PDZD2: variants seen among roughly 807,000 people sequenced by gnomAD.
The protein encoded by PDZD2 is PDZ domain containing 2.
A neutral mutation model predicts 220.7 loss-of-function variants in PDZD2; 90 were observed. That is an observed-to-expected ratio of 0.41 (90% CI 0.34 to 0.49). The LOEUF is 0.49. Ranked by LOEUF, PDZD2 falls within the 20% of genes least tolerant of loss-of-function variation. PDZD2 has a pLI of 0.28. For missense variants in PDZD2, 3,174 were observed against 3,608.5 expected (o/e 0.88, Z 3.08); for synonymous variants, 1,375 against 1,450.5 (o/e 0.95, Z 1.18).
At chr5:31,869,707 T>C (rs1319123456) in intron 2 of PDZD2, among the ~76,000 whole-genome samples, 1 of 152,244 alleles carries the variant, frequency 6.6e-6, no homozygotes, top group East Asian at 1.9e-4. Flanking sequence ...CCCAAGGTAT[T>C]ACGCCTTTCT....
chr5:31,667,566 G>A (rs915808781), intron 1 of PDZD2, among the ~76,000 whole-genome samples: 1 of 152,138 alleles, frequency 6.6e-6, no homozygotes, highest in Non-Finnish European at 1.5e-5. Context: ...GAATGAATCA[G>A]GCAGGCACAG....
chr5:31,926,586 T>G (rs1581096823), intron 2 of PDZD2, among the ~76,000 whole-genome samples: 2 of 151,226 alleles, frequency 1.3e-5, no homozygotes, highest in South Asian at 2.1e-4. Context: ...TGGGGAGGCT[T>G]TGGAGAAAAG....
intron 2 of PDZD2, among the ~76,000 whole-genome samples, chr5:31,858,534 GC>G (rs1041401738): frequency 6.6e-6 from 1 of 152,190 alleles, no homozygotes; most frequent in African/African-American, 2.4e-5. Context: ...GATGATTACA[GC>G]CCTTTCCCAA....
At chr5:32,057,816 TAACCC>T in intron 11 of PDZD2, 57 bp from the exon 12 acceptor site, 2 of 1,405,838 alleles carry the variant, frequency 1.4e-6, no homozygotes, top group Non-Finnish European at 1.0e-6. Context: ...TTTTTTTTTT[TAACCC>T]TTTGATATAA....
At chr5:32,066,389 C>G (rs1262086410) in intron 14 of PDZD2, among the ~76,000 whole-genome samples, 1 of 152,202 alleles carries the variant, frequency 6.6e-6, no homozygotes, top group East Asian at 1.9e-4. Flanking sequence ...CAACCAAGTC[C>G]TGCTTCCACC....
intron 2 of PDZD2, among the ~76,000 whole-genome samples, chr5:31,919,377 C>T (rs1291832263): frequency 9.4e-5 from 14 of 148,560 alleles, no homozygotes; most frequent in Admixed American, 6.7e-4. Flanking sequence ...TTTTTTGAGA[C>T]GGAGTCTCGC....
intron 6 of PDZD2, among the ~76,000 whole-genome samples, chr5:32,014,959 T>TTTTG (rs1753670253): frequency 8.9e-6 from 1 of 112,102 alleles, no homozygotes; most frequent in African/African-American, 2.8e-5. Flanking sequence ...TTTTTTTTTT[T>TTTTG]GAGACGGAGT....
chr5:31,854,918 G>C (rs985854989), intron 2 of PDZD2: 9 of 958,282 alleles, frequency 9.4e-6, no homozygotes, highest in South Asian at 9.7e-5. Context: ...AGGGAGGAGG[G>C]GGGGGTCCTC....
At chr5:31,774,591 C>G (rs1451724394) in intron 1 of PDZD2, among the ~76,000 whole-genome samples, 1 of 151,728 alleles carries the variant, frequency 6.6e-6, no homozygotes, top group Non-Finnish European at 1.5e-5. Context: ...TGGTGCACGC[C>G]TGTAATCCCA....
intron 1 of PDZD2, among the ~76,000 whole-genome samples, chr5:31,797,627 C>T (rs1427024602): frequency 1.3e-5 from 2 of 152,162 alleles, no homozygotes; most frequent in Non-Finnish European, 2.9e-5. Flanking sequence ...GCCACCGCGC[C>T]CAGCCTTGCA....
intron 2 of PDZD2, among the ~76,000 whole-genome samples, chr5:31,979,794 A>C (rs1750136325): frequency 6.6e-6 from 1 of 152,162 alleles, no homozygotes. Flanking sequence ...ACCGTGACTT[A>C]AAAAGAATTG....
At chr5:31,651,729 T>C (rs927627215) in intron 1 of PDZD2, among the ~76,000 whole-genome samples, 2 of 152,112 alleles carry the variant, frequency 1.3e-5, no homozygotes, top group Non-Finnish European at 2.9e-5. Flanking sequence ...CCTCCCAGGC[T>C]CAAGTGATTC....
chr5:32,058,795 T>C (rs1456998377), intron 12 of PDZD2, among the ~76,000 whole-genome samples: 2 of 152,196 alleles, frequency 1.3e-5, no homozygotes, highest in Non-Finnish European at 2.9e-5. Context: ...TCATGCGTGA[T>C]CACCAAATCT....
intron 10 of PDZD2, among the ~76,000 whole-genome samples, chr5:32,057,087 A>G (rs1739155913): frequency 6.6e-6 from 1 of 152,150 alleles, no homozygotes. Flanking sequence ...GAGCCAGAGC[A>G]ATACTCTGTT....
chr5:32,077,690 C>A, intron 19 of PDZD2, 84 bp downstream of exon 19: 1 of 1,386,690 alleles, frequency 7.2e-7, no homozygotes, highest in Non-Finnish European at 1.0e-6. Context: ...GGCGCAGTGG[C>A]TTACACCTGT....
At chr5:31,896,153 G>A (rs1741530281) in intron 2 of PDZD2, among the ~76,000 whole-genome samples, 1 of 151,994 alleles carries the variant, frequency 6.6e-6, no homozygotes, top group African/African-American at 2.4e-5. Flanking sequence ...ACACCTCCCA[G>A]GTATTGTGAC....
intron 2 of PDZD2, among the ~76,000 whole-genome samples, chr5:31,898,797 G>A (rs1741808159): frequency 6.7e-6 from 1 of 149,526 alleles, no homozygotes; most frequent in Non-Finnish European, 1.5e-5. Context: ...AGGATAGATG[G>A]AGCCTCTCTT....
chr5:31,959,086 C>T (rs966194307), intron 2 of PDZD2, among the ~76,000 whole-genome samples: 1 of 151,868 alleles, frequency 6.6e-6, no homozygotes, highest in Admixed American at 6.6e-5. Context: ...GCGTGTGCCA[C>T]CATGCCCGGC....
At chr5:31,842,874 T>A (rs926070393) in intron 2 of PDZD2, among the ~76,000 whole-genome samples, 1 of 152,096 alleles carries the variant, frequency 6.6e-6, no homozygotes, top group Non-Finnish European at 1.5e-5. Flanking sequence ...GTTGTTGTTG[T>A]TTTGTTTTTT....
Sources: gnomAD v4.1 joint callset for allele counts (sites outside exome capture counted in the v4.1 genomes callset) on GRCh38, gnomAD v4.1.1 for gene constraint, MANE v1.5 for transcripts, NCBI Gene and HGNC (gene_info 2026-07-23, HGNC 2026-07-21) for gene names.